Variants in SCN1A observed in about 807,000 individuals in gnomAD.
The protein encoded by SCN1A is sodium voltage-gated channel alpha subunit 1.
A neutral mutation model predicts 193.7 loss-of-function variants in SCN1A; 13 were observed. That is an observed-to-expected ratio of 0.07 (90% CI 0.04 to 0.11). The LOEUF is 0.11. Among genes scored for constraint, SCN1A ranks in the 10% least tolerant of loss-of-function variants. The probability of loss-of-function intolerance (pLI) is 1.00; values close to 1 mark genes in which losing one functional copy is unlikely to be tolerated. For missense variants in SCN1A, 1,432 were observed against 2,451.1 expected (o/e 0.58, Z 8.78); for synonymous variants, 781 against 843.6 (o/e 0.93, Z 1.29).
At chr2:166,056,925 T>C (rs960303912) in intron 5 of SCN1A, among the ~76,000 whole-genome samples, 2 of 152,046 alleles carry the variant, frequency 1.3e-5, no homozygotes, top group Admixed American at 6.6e-5. Flanking sequence ...ATCTGCAATA[T>C]TGTAATTTCT....
rs5836086 is a variant in SCN1A, at chr2:166,117,962, C to CAA, written c.-142+8960_-142+8961dup. The stretch of plus-strand genomic sequence containing the variant: ...TGGGCAATAGAGTGAGACTCTGTCT[C>CAA]AAAAAAAAAAATTTTTTTTTTGATT... On this transcript the variant is annotated intron_variant, in intron 2 of 28. Coordinates refer to ENST00000674923, the MANE Select transcript of SCN1A (RefSeq NM_001165963.4). 2.2e-3 allele frequency among the ~76,000 whole-genome samples: 320 copies of CAA among 146,110 alleles called. 4 individuals are homozygous for CAA. The Middle Eastern group carries it at 0.026, about 12-fold the overall frequency.
At chr2:166,032,202 T>TACACACACACACACAC in intron 19 of SCN1A, among the ~76,000 whole-genome samples, 41 of 77,108 alleles carry the variant, frequency 5.3e-4, no homozygotes, top group East Asian at 3.2e-3. Context: ...TTGAAAGTCA[T>TACACACACACACACAC]ACACACACAC....
chr2:166,038,757 A>T (rs796317669), intron 17 of SCN1A, among the ~76,000 whole-genome samples: 48 of 152,328 alleles, frequency 3.2e-4, no homozygotes, highest in African/African-American at 1.2e-3. Context: ...TCTCTGCTGA[A>T]AGATATTAAT....
chr2:166,041,022 G>A (rs1227605511), intron 16 of SCN1A, among the ~76,000 whole-genome samples: 1 of 152,132 alleles, frequency 6.6e-6, no homozygotes, highest in African/African-American at 2.4e-5. Context: ...AGTGCTGTAG[G>A]CCTATGCCTT....
At chr2:166,039,143 T>C (rs1696819670) in intron 17 of SCN1A, among the ~76,000 whole-genome samples, 1 of 152,174 alleles carries the variant, frequency 6.6e-6, no homozygotes, top group Non-Finnish European at 1.5e-5. Flanking sequence ...TTTTCTTAGG[T>C]CTAGAAATAT....
chr2:166,046,567 A>C (rs1345565021), intron 12 of SCN1A, among the ~76,000 whole-genome samples: 1 of 152,200 alleles, frequency 6.6e-6, no homozygotes, highest in South Asian at 2.1e-4. Context: ...TTAAAATAGC[A>C]TGAGAGAGTT....
At position 166,112,805 on chromosome 2, in the gene SCN1A, G is replaced by A. The variant is rs772140593; in HGVS notation, c.-142+14119C>T. Among the ~76,000 whole-genome samples, 153 of 152,238 alleles carry A rather than the reference G, an allele frequency of 1.0e-3. 1 individual carries two copies. The highest frequency in any genetic ancestry group is 1.7e-3 in the Non-Finnish European group (117 of 68,014). On this transcript the variant is annotated intron_variant, in intron 2 of 28. Coordinates refer to ENST00000674923, the MANE Select transcript of SCN1A (RefSeq NM_001165963.4). ...ACTAGAAAGACCTGCATCTGCAAGG[G>A]ATGGGCTAGGGGTTGAAGATTAAGC... is the stretch of plus-strand genomic sequence containing the variant.
At chr2:166,022,095 A>T (rs1451689500) in intron 19 of SCN1A, among the ~76,000 whole-genome samples, 2 of 152,166 alleles carry the variant, frequency 1.3e-5, no homozygotes, top group East Asian at 3.8e-4. Context: ...AATTTAAAAA[A>T]TTTTGAAAAT....
intron 1 of SCN1A, among the ~76,000 whole-genome samples, chr2:166,135,210 A>G (rs1691809864): frequency 6.6e-6 from 1 of 152,312 alleles, no homozygotes; most frequent in Admixed American, 6.5e-5. Flanking sequence ...ACTTAAGTAT[A>G]TCTTTATATC....
intron 6 of SCN1A, among the ~76,000 whole-genome samples, chr2:166,056,058 C>G (rs1014102161): frequency 6.6e-6 from 1 of 151,976 alleles, no homozygotes; most frequent in Admixed American, 6.6e-5. Flanking sequence ...CTTTTTGATT[C>G]TTGATTCAAT....
At chr2:166,079,796 A>G (rs900130985) in intron 2 of SCN1A, among the ~76,000 whole-genome samples, 4 of 151,550 alleles carry the variant, frequency 2.6e-5, no homozygotes, top group Admixed American at 6.6e-5. Flanking sequence ...CGTATTATAT[A>G]TAATTATAAA....
rs1688807227 is a variant in SCN1A, at chr2:165,989,072, GCGCGCTCC to G, written c.*2165_*2172del. 9.1e-6 allele frequency: 1 copy of G among 110,368 alleles called. No homozygotes were observed. Among genetic ancestry groups the G allele is most frequent in the Admixed American group, 1.1e-4 (1 of 8,712 alleles). 6.8% of individuals were successfully genotyped at this position (110,368 alleles called of 1,614,324 possible). A position where few individuals can be genotyped will look rare whatever the true frequency, so the allele number is the denominator to read the frequency against. ...TGTGTGTGTGTGTGTGTGTGTGCGC[GCGCGCTCC>G]CCTTCTCCCCCAATTTGTAATGTAA... On this transcript the variant is annotated 3_prime_UTR_variant, in exon 29 of 29. Transcript: ENST00000674923.
intron 23 of SCN1A, among the ~76,000 whole-genome samples, chr2:166,004,418 G>C (rs1691374439): frequency 6.6e-6 from 1 of 151,436 alleles, no homozygotes; most frequent in East Asian, 1.9e-4. Flanking sequence ...CACATTACCT[G>C]TCTCACATTT....
intron 7 of SCN1A, among the ~76,000 whole-genome samples, chr2:166,053,850 G>A (rs6432864): frequency 0.48 from 73,430 of 151,544 alleles, 18,436 homozygotes; most frequent in East Asian, 0.56. Flanking sequence ...GTCTGGAATG[G>A]TTTTCTATTA....
intron 4 of SCN1A, among the ~76,000 whole-genome samples, chr2:166,069,127 A>G (rs531040807): frequency 6.6e-6 from 1 of 152,332 alleles, no homozygotes; most frequent in South Asian, 2.1e-4. Flanking sequence ...CTACACAGCT[A>G]AAGTAAATAA....
chr2:166,019,541 C>T (rs1284902881), intron 19 of SCN1A, among the ~76,000 whole-genome samples: 1 of 152,086 alleles, frequency 6.6e-6, no homozygotes, highest in African/African-American at 2.4e-5. Flanking sequence ...TTTACTTTTA[C>T]TTATTTCAAA....
chr2:166,054,053 A>G (rs1286773879), intron 7 of SCN1A, among the ~76,000 whole-genome samples: 1 of 151,984 alleles, frequency 6.6e-6, no homozygotes, highest in Non-Finnish European at 1.5e-5. Flanking sequence ...AGAGAAACAG[A>G]AAGAGGCAGA....
At chr2:166,041,625 A>G (rs752277465) in intron 15 of SCN1A, among the ~76,000 whole-genome samples, 156 bp from the exon 16 acceptor site, 5 of 152,198 alleles carry the variant, frequency 3.3e-5, no homozygotes, top group Non-Finnish European at 5.9e-5. Flanking sequence ...AGTTTACTCT[A>G]AACCTCCCAA....
chr2:166,052,973 A>T, intron 7 of SCN1A, 30 bp from the exon 8 acceptor site: 1 of 1,565,738 alleles, frequency 6.4e-7, no homozygotes, highest in Non-Finnish European at 8.8e-7. Context: ...CACAAACACA[A>T]AAACAGGACA....
Sources: allele counts gnomAD v4.1 joint callset (sites outside exome capture counted in the v4.1 genomes callset), GRCh38; gene constraint gnomAD v4.1.1; transcripts MANE v1.5; gene names NCBI Gene and HGNC (gene_info 2026-07-23, HGNC 2026-07-21).